Variants in ERLEC1 observed in about 807,000 individuals in gnomAD.
ERLEC1 encodes endoplasmic reticulum lectin 1.
In ERLEC1, 47 loss-of-function variants were observed where a neutral mutation model predicts 68.0. The observed-to-expected ratio is 0.69, with a 90% CI of 0.55 to 0.88. ERLEC1 has a LOEUF of 0.88. Ranked by LOEUF, ERLEC1 falls within the 40% of genes least tolerant of loss-of-function variation. The pLI, the probability that ERLEC1 is intolerant of heterozygous loss-of-function variation, is 0.00. For synonymous variants in ERLEC1, 225 were observed against 203.2 expected (o/e 1.11, Z -0.91); for missense variants, 567 against 583.8 (o/e 0.97, Z 0.30).
chr2:53,799,908 ACT>A (rs1245015590), intron 6 of ERLEC1, among the ~76,000 whole-genome samples: 1 of 152,120 alleles, frequency 6.6e-6, no homozygotes, highest in African/African-American at 2.4e-5. Context: ...ATTTACTGTG[ACT>A]CTGAAAGACA....
intron 1 of ERLEC1, among the ~76,000 whole-genome samples, chr2:53,791,238 T>C (rs1189877934): frequency 6.6e-6 from 1 of 152,256 alleles, no homozygotes; most frequent in Non-Finnish European, 1.5e-5. Flanking sequence ...CCAGCACCTC[T>C]GATTAGTTTC....
chr2:53,807,394 C>T (rs954193484), intron 8 of ERLEC1, among the ~76,000 whole-genome samples: 1 of 139,254 alleles, frequency 7.2e-6, no homozygotes, highest in Non-Finnish European at 1.5e-5. Flanking sequence ...GTCTACTGTC[C>T]TCTGTGCCCT....
chr2:53,817,905 C>G lies in ERLEC1; in HGVS notation c.1388C>G (p.Ser463Cys). 1 of 1,604,532 alleles carries G rather than the reference C, an allele frequency of 6.2e-7. No homozygotes were observed. The highest frequency in any genetic ancestry group is 1.1e-5 in the South Asian group (1 of 90,846). Residue 463 changes from serine (S) to cysteine (C), a missense_variant, in exon 14 of 14, where the codon TCT becomes TGT. By Grantham distance (112) the Ser-to-Cys change is moderately radical. Transcript: ENST00000185150. ...HSCQYILGVESPVICKILDTA... is the reference protein window; with the variant it reads ...HSCQYILGVECPVICKILDTA... ...TTTGTTGTTCTTCTTTAGGTTGAAT[C>G]TCCAGTGATCTGTAAAATCTTAGAT...
chr2:53,797,707 ATTT>A (rs780179639), intron 4 of ERLEC1, 22 bp from the exon 5 acceptor site: 457 of 1,597,250 alleles, frequency 2.9e-4, no homozygotes, highest in Non-Finnish European at 3.6e-4. Flanking sequence ...TACTTAGTAT[ATTT>A]TTATTTTACT....
chr2:53,797,924 C>A, intron 5 of ERLEC1, 129 bp downstream of exon 5: 3 of 803,712 alleles, frequency 3.7e-6, no homozygotes, highest in East Asian at 2.6e-5. Context: ...AGGCTGGGCG[C>A]GGTGGCTGAC....
intron 2 of ERLEC1, among the ~76,000 whole-genome samples, chr2:53,795,587 C>G (rs1399598378): frequency 6.6e-6 from 1 of 152,124 alleles, no homozygotes; most frequent in African/African-American, 2.4e-5. Flanking sequence ...TGTTTGGGTA[C>G]AAGCATTTAA....
At chr2:53,791,894 A>G (rs1675411166) in intron 1 of ERLEC1, among the ~76,000 whole-genome samples, 1 of 139,924 alleles carries the variant, frequency 7.1e-6, no homozygotes, top group Non-Finnish European at 1.5e-5. Flanking sequence ...CTCATCATCT[A>G]TAATGCTCTT....
At chr2:53,814,729 A>C (rs1676772315) in intron 12 of ERLEC1, 109 bp downstream of exon 12, 1 of 993,832 alleles carries the variant, frequency 1.0e-6, no homozygotes. Context: ...AAAGTATACC[A>C]TTTAAATTAT....
At chr2:53,796,796 T>C (rs1015728204) in intron 3 of ERLEC1, among the ~76,000 whole-genome samples, 8 of 152,050 alleles carry the variant, frequency 5.3e-5, no homozygotes, top group Non-Finnish European at 8.8e-5. Context: ...CTGTCTAGTG[T>C]ATGCAGCAGA....
In ERLEC1 at chr2:53,814,879, C is replaced by T. The variant is rs145795057; in HGVS notation, c.1324C>T (p.Pro442Ser). The change falls in exon 13 of 14, where the codon CCT (proline) becomes TCT (serine). Residue 442 changes from proline to serine, a missense_variant. Transcript: ENST00000185150. ...TTTTAGGTGCAAAGAATCAGATTCA[C>T]CTCATGCTGTTACTGTATATATGCT... ...VKLKCKESDS[P>S]HAVTVYMLEP... 1.7e-4 allele frequency: 279 copies of T among 1,608,734 alleles called. No homozygotes were observed. The African/African-American group carries it at 3.6e-3, about 20-fold the overall frequency.
chr2:53,797,735 A>G lies in ERLEC1; in HGVS notation c.430A>G (p.Ile144Val). The change falls in exon 5 of 14, where the codon ATA becomes GTA. Residue 144 changes from isoleucine (I) to valine (V), a missense_variant. Ile to Val is a conservative substitution (Grantham distance 29). Coordinates refer to ENST00000185150, the MANE Select transcript of ERLEC1 (RefSeq NM_015701.5). Reference sequence around the variant, plus strand: ...TTTATTTTACTTTTCAATGTAGAAAATAAATATTCACGAGTACTACCTTGG... The same window carrying G: ...TTTATTTTACTTTTCAATGTAGAAAGTAAATATTCACGAGTACTACCTTGG... Reference protein sequence around the residue: ...YHEEKETGQKINIHEYYLGNM... With the variant: ...YHEEKETGQKVNIHEYYLGNM... 1.9e-6 allele frequency: 3 copies of G among 1,610,968 alleles called. No homozygotes were observed. The highest frequency in any genetic ancestry group is 2.5e-6 in the Non-Finnish European group (3 of 1,178,264).
chr2:53,789,658 G>A (rs983799943), intron 1 of ERLEC1, among the ~76,000 whole-genome samples: 1 of 152,048 alleles, frequency 6.6e-6, no homozygotes, highest in African/African-American at 2.4e-5. Flanking sequence ...AGCCACAATA[G>A]TCATTATCAT....
chr2:53,813,209 T>A (rs1220744374), intron 11 of ERLEC1, 136 bp downstream of exon 11: 1 of 1,055,658 alleles, frequency 9.5e-7, no homozygotes, highest in Admixed American at 2.9e-5. Context: ...TTTAGGTTAG[T>A]TTTCTTTTCT....
rs1207744989 is a variant in ERLEC1 at position 53,799,076 on chromosome 2, A to C, written c.520A>C (p.Asn174His). Residue 174 changes from asparagine to histidine, a missense_variant, in exon 6 of 14, where the codon AAT (asparagine) becomes CAT (histidine). Transcript: ENST00000185150. The part of the protein sequence containing the change: ...EREAEEKEKS[N>H]EIPTKNIEGQ... Reference sequence around the variant, plus strand: ...AGAAGCAGAAGAAAAGGAAAAATCAAATGAGGCAAGTGACAGATGTTGATT... The same window carrying C: ...AGAAGCAGAAGAAAAGGAAAAATCACATGAGGCAAGTGACAGATGTTGATT... 6.2e-7 allele frequency: 1 copy of C among 1,612,188 alleles called. No individual in the cohort carries two copies.
intron 1 of ERLEC1, among the ~76,000 whole-genome samples, chr2:53,788,102 C>T (rs1675171245): frequency 6.6e-6 from 1 of 152,192 alleles, no homozygotes; most frequent in South Asian, 2.1e-4. Context: ...CCACGTGTAC[C>T]TACTGCAGGC....
chr2:53,807,445 A>T (rs1676354686), intron 8 of ERLEC1, among the ~76,000 whole-genome samples: 1 of 151,508 alleles, frequency 6.6e-6, no homozygotes, highest in South Asian at 2.1e-4. Context: ...TCACTCTGTC[A>T]CCCAAGCTGG....
rs762269185 is a variant in ERLEC1 at position 53,814,637 on chromosome 2, A to G, written c.1304+17A>G. 1 of 1,584,586 alleles carries G rather than the reference A, an allele frequency of 6.3e-7. No individual in the cohort carries two copies. The highest frequency in any genetic ancestry group is 1.1e-5 in the South Asian group (1 of 89,456). On this transcript the variant is annotated intron_variant, in intron 12 of 13. Coordinates refer to ENST00000185150, the MANE Select transcript of ERLEC1 (RefSeq NM_015701.5). ...AAAACTAAAGTAAGTTAGACCATCA[A>G]ATCATGCTGTATGCCTTTGTCTTTT...
chr2:53,802,923 C>G (rs995565133), intron 8 of ERLEC1, among the ~76,000 whole-genome samples: 2 of 152,110 alleles, frequency 1.3e-5, no homozygotes, highest in Non-Finnish European at 2.9e-5. Flanking sequence ...ATATTGTTTT[C>G]TTCTTCTCTT....
rs1676999484 is a variant in ERLEC1, at chr2:53,818,153, C to T, written c.*184C>T. ...GTTATTGATAAACTTCTGAGGCAGA[C>T]ATTTGTCTCGCTTTTTTTCATTTTT... On this transcript the variant is annotated 3_prime_UTR_variant, in exon 14 of 14. Coordinates refer to ENST00000185150, the MANE Select transcript of ERLEC1 (RefSeq NM_015701.5). 1 of 442,256 alleles carries T rather than the reference C, an allele frequency of 2.3e-6. No individual in the cohort carries two copies. Among genetic ancestry groups the T allele is most frequent in the Admixed American group, 3.6e-5 (1 of 27,464 alleles). The allele number at this position is 442,256 out of a possible 1,614,324, so 27.4% of individuals were successfully genotyped here.
Sources: gnomAD v4.1 joint callset for allele counts (sites outside exome capture counted in the v4.1 genomes callset) on GRCh38, gnomAD v4.1.1 for gene constraint, MANE v1.5 for transcripts, NCBI Gene and HGNC (gene_info 2026-07-23, HGNC 2026-07-21) for gene names.